MDGA2: variants seen among roughly 807,000 people sequenced by gnomAD.
MDGA2 encodes the protein MAM domain-containing glycosylphosphatidylinositol anchor protein 2.
In MDGA2, 40 loss-of-function variants were observed where a neutral mutation model predicts 117.8. The observed-to-expected ratio is 0.34, with a 90% CI of 0.26 to 0.44. The LOEUF is 0.44. Among genes scored for constraint, MDGA2 ranks in the 20% least tolerant of loss-of-function variants. The pLI, the probability that MDGA2 is intolerant of heterozygous loss-of-function variation, is 1.00. For synonymous variants in MDGA2, 452 were observed against 439.0 expected, an observed-to-expected ratio of 1.03 and a Z score of -0.37; for missense variants, 1,123 against 1,250.6, an observed-to-expected ratio of 0.90 and a Z score of 1.54.
intron 1 of MDGA2, among the ~76,000 whole-genome samples, chr14:47,654,783 AAAG>A (rs1408104394): frequency 2.6e-5 from 4 of 152,110 alleles, no homozygotes; most frequent in Non-Finnish European, 1.5e-5. Flanking sequence ...CCAAGGGAGA[AAAG>A]AAGAAGAAAA....
chr14:47,510,479 C>T (rs1894616037), intron 1 of MDGA2, among the ~76,000 whole-genome samples: 1 of 152,086 alleles, frequency 6.6e-6, no homozygotes, highest in African/African-American at 2.4e-5. Context: ...TTATCTTGGC[C>T]TTTAGCCTTT....
Position 47,641,329 on chromosome 14 carries a change from T to C in MDGA2, c.280+33188A>G, listed in dbSNP as rs1897419995. On this transcript the variant is annotated intron_variant, in intron 1 of 16. Transcript: ENST00000399232. The stretch of plus-strand genomic sequence containing the variant: ...TGATTCCAGAGCATGATGAGTTACT[T>C]CATTTACATTGTCAACTCTGCCCAC... Among the ~76,000 whole-genome samples the C allele has an allele frequency of 2.0e-5, 3 of 152,188 alleles. No individual in the cohort carries two copies. The South Asian group carries it at 6.2e-4, about 32-fold the overall frequency.
intron 10 of MDGA2, among the ~76,000 whole-genome samples, chr14:46,918,578 T>A (rs2138506162): frequency 1.3e-5 from 2 of 152,200 alleles, no homozygotes; most frequent in South Asian, 4.1e-4. Context: ...CCTTTTTCAA[T>A]GAGGGATAAC....
chr14:47,545,877 G>T (rs562771254), intron 1 of MDGA2, among the ~76,000 whole-genome samples: 2 of 152,220 alleles, frequency 1.3e-5, no homozygotes, highest in African/African-American at 4.8e-5. Context: ...TTATTGAGAT[G>T]CCTGGCTGGA....
At chr14:47,073,245 T>G (rs958275074) in intron 6 of MDGA2, among the ~76,000 whole-genome samples, 1 of 152,168 alleles carries the variant, frequency 6.6e-6, no homozygotes, top group Admixed American at 6.5e-5. Context: ...GCCTATTAAG[T>G]TTTTGGTGAG....
intron 3 of MDGA2, among the ~76,000 whole-genome samples, chr14:47,212,368 G>A (rs1885916272): frequency 1.3e-5 from 2 of 152,042 alleles, no homozygotes; most frequent in South Asian, 4.1e-4. Context: ...TGACTTCATG[G>A]AGCTTAGTAA....
chr14:47,107,833 T>C (rs181520040), intron 5 of MDGA2, among the ~76,000 whole-genome samples: 15,646 of 149,866 alleles, frequency 0.1, 457 homozygotes, highest in Admixed American at 0.11. Context: ...CTGCGTGCAG[T>C]GGCTGCCGCT....
At chr14:47,267,103 T>C (rs1887990631) in intron 2 of MDGA2, among the ~76,000 whole-genome samples, 2 of 152,168 alleles carry the variant, frequency 1.3e-5, no homozygotes, top group Admixed American at 1.3e-4. Flanking sequence ...ATGAAGTACC[T>C]GGTAACACTG....
chr14:47,567,119 T>A (rs1258183228), intron 1 of MDGA2, among the ~76,000 whole-genome samples: 1 of 151,926 alleles, frequency 6.6e-6, no homozygotes, highest in Non-Finnish European at 1.5e-5. Flanking sequence ...TTGCCCAGGT[T>A]GGAACTCATG....
intron 1 of MDGA2, among the ~76,000 whole-genome samples, chr14:47,663,974 G>A (rs1897896603): frequency 6.6e-6 from 1 of 152,050 alleles, no homozygotes; most frequent in Non-Finnish European, 1.5e-5. Context: ...CACACTTATA[G>A]ATTTATATAA....
chr14:47,019,138 T>A (rs189518632), intron 8 of MDGA2, among the ~76,000 whole-genome samples: 11 of 152,274 alleles, frequency 7.2e-5, no homozygotes, highest in Non-Finnish European at 2.9e-5. Flanking sequence ...CAAATTTGAA[T>A]ACTGATTAAA....
At chr14:47,111,605 A>G (rs1172512820) in intron 5 of MDGA2, among the ~76,000 whole-genome samples, 4 of 152,178 alleles carry the variant, frequency 2.6e-5, no homozygotes, top group Admixed American at 6.5e-5. Context: ...ATTGCTCTGG[A>G]TATGTTCACA....
intron 1 of MDGA2, among the ~76,000 whole-genome samples, chr14:47,602,458 T>G (rs572294711): frequency 6.8e-6 from 1 of 147,344 alleles, no homozygotes; most frequent in African/African-American, 2.5e-5. Flanking sequence ...GCTCTGAAGC[T>G]CTTTATTTAA....
intron 2 of MDGA2, among the ~76,000 whole-genome samples, chr14:47,226,537 CT>C (rs969762934): frequency 2.2e-4 from 33 of 152,080 alleles, no homozygotes; most frequent in Non-Finnish European, 4.4e-4. Context: ...AAACTTAGTA[CT>C]TCTCTTAAAC....
intron 3 of MDGA2, among the ~76,000 whole-genome samples, chr14:47,181,414 G>A (rs1047634949): frequency 2.0e-5 from 3 of 152,006 alleles, no homozygotes; most frequent in Admixed American, 1.3e-4. Context: ...AAGAAAATGT[G>A]GTACATATAC....
intron 1 of MDGA2, among the ~76,000 whole-genome samples, chr14:47,588,241 T>C (rs140651116): frequency 1.3e-5 from 1 of 77,270 alleles, no homozygotes; most frequent in South Asian, 1.0e-3. Flanking sequence ...TAGATAGATA[T>C]ATATATATAT....
At chr14:47,597,149 G>T (rs898224258) in intron 1 of MDGA2, among the ~76,000 whole-genome samples, 1 of 152,060 alleles carries the variant, frequency 6.6e-6, no homozygotes, top group Non-Finnish European at 1.5e-5. Context: ...CTAAACTCTG[G>T]TCATGAAAAT....
At chr14:47,065,032 C>G (rs1369296205) in intron 6 of MDGA2, among the ~76,000 whole-genome samples, 1 of 152,038 alleles carries the variant, frequency 6.6e-6, no homozygotes, top group Non-Finnish European at 1.5e-5. Flanking sequence ...TGAAAATCCC[C>G]TAACACCAGC....
chr14:47,401,701 A>G (rs1450735057), intron 1 of MDGA2, among the ~76,000 whole-genome samples: 1 of 152,196 alleles, frequency 6.6e-6, no homozygotes, highest in Non-Finnish European at 1.5e-5. Flanking sequence ...AATCAGATCA[A>G]TTCACTCAGA....
Sources: allele counts gnomAD v4.1 joint callset (sites outside exome capture counted in the v4.1 genomes callset), GRCh38; gene constraint gnomAD v4.1.1; transcripts MANE v1.5; gene names NCBI Gene and HGNC (gene_info 2026-07-23, HGNC 2026-07-21).